SLC5A11: variants seen among roughly 807,000 people sequenced by gnomAD.
SLC5A11 encodes sodium/myo-inositol cotransporter 2.
Under a neutral mutation model 69.8 loss-of-function variants are expected in SLC5A11, and 48 were observed. The observed-to-expected ratio is 0.69, with a 90% CI of 0.55 to 0.87. SLC5A11 has a LOEUF of 0.87. Among genes scored for constraint, SLC5A11 ranks in the 40% least tolerant of loss-of-function variants. The pLI is 0.00. For missense variants in SLC5A11, 784 were observed against 866.1 expected (o/e 0.91, Z 1.19); for synonymous variants, 319 against 342.4 (o/e 0.93, Z 0.75).
At chr16:24,907,864 C>A in intron 12 of SLC5A11, 99 bp from the exon 14 acceptor site, 2 of 1,508,492 alleles carry the variant, frequency 1.3e-6, no homozygotes, top group Non-Finnish European at 1.8e-6. Flanking sequence ...CCGGCCTTGG[C>A]AACAGAACAA....
exon 14 of SLC5A11, chr16:24,908,981 G>T: frequency 6.2e-7 from 1 of 1,614,038 alleles, no homozygotes; most frequent in Non-Finnish European, 8.5e-7. Context: ...CCAGATGAGC[G>T]CCCGGTCCTG....
intron 5 of SLC5A11, among the ~76,000 whole-genome samples, chr16:24,872,782 A>C (rs1249870613): frequency 6.6e-6 from 1 of 150,392 alleles, no homozygotes; most frequent in East Asian, 2.0e-4. Flanking sequence ...TCAGCCTCCC[A>C]ATCTGAGTAG....
chr16:24,906,953 C>T (rs2050111922), intron 11 of SLC5A11, 72 bp from the exon 13 acceptor site: 3 of 1,572,160 alleles, frequency 1.9e-6, no homozygotes, highest in Non-Finnish European at 2.6e-6. Flanking sequence ...CTGCCTCCTC[C>T]AGTTGAGCCC....
At chr16:24,888,783 CTTTTTTT>C (rs1169015317) in intron 8 of SLC5A11, among the ~76,000 whole-genome samples, 11 of 45,754 alleles carry the variant, frequency 2.4e-4, no homozygotes, top group East Asian at 1.3e-3. Flanking sequence ...CGTGCCTGTC[CTTTTTTT>C]TTTTTTTTTT....
intron 8 of SLC5A11, among the ~76,000 whole-genome samples, chr16:24,886,502 A>G (rs1318238863): frequency 6.6e-6 from 1 of 151,430 alleles, no homozygotes; most frequent in Non-Finnish European, 1.5e-5. Context: ...TTATTCTTAG[A>G]AAAAAGGTCA....
chr16:24,888,921 T>C (rs28801711), intron 8 of SLC5A11, among the ~76,000 whole-genome samples: 67,123 of 149,686 alleles, frequency 0.45, 15,254 homozygotes, highest in Non-Finnish European at 0.5. Flanking sequence ...CTCAGCCTCC[T>C]GAGTAACTGG....
At chr16:24,881,313 G>T (rs140257603) in intron 7 of SLC5A11, among the ~76,000 whole-genome samples, 1 of 151,884 alleles carries the variant, frequency 6.6e-6, no homozygotes, top group Non-Finnish European at 1.5e-5. Context: ...TTGAGACAGG[G>T]TCTCCCTCTG....
chr16:24,895,000 CT>C (rs2049054378), intron 9 of SLC5A11, among the ~76,000 whole-genome samples: 1 of 152,010 alleles, frequency 6.6e-6, no homozygotes, highest in Admixed American at 6.6e-5. Context: ...TGGTGTATGC[CT>C]GTGGTCCCAG....
intron 1 of SLC5A11, among the ~76,000 whole-genome samples, chr16:24,854,446 C>T (rs977656150): frequency 2.0e-5 from 3 of 150,344 alleles, no homozygotes; most frequent in Admixed American, 6.6e-5. Context: ...TTTTTTTTTC[C>T]GGAGACAGAG....
intron 9 of SLC5A11, among the ~76,000 whole-genome samples, chr16:24,895,165 T>A (rs12928100): frequency 0.2 from 30,194 of 151,650 alleles, 3,705 homozygotes; most frequent in South Asian, 0.42. Flanking sequence ...ACCATCCGAC[T>A]ACTCTCCCTT....
chr16:24,847,127 CTTTT>C (rs946745735), intron 1 of SLC5A11, among the ~76,000 whole-genome samples: 4 of 152,016 alleles, frequency 2.6e-5, no homozygotes, highest in African/African-American at 7.2e-5. Context: ...TCCTTTCTTT[CTTTT>C]TCTCTTTCTT....
intron 3 of SLC5A11, among the ~76,000 whole-genome samples, chr16:24,867,423 T>G (rs2046984877): frequency 6.6e-6 from 1 of 151,984 alleles, no homozygotes; most frequent in South Asian, 2.1e-4. Flanking sequence ...AGAAGAAAGA[T>G]GTCAAACCAA....
At chr16:24,878,966 C>T (rs1006718695) in intron 7 of SLC5A11, among the ~76,000 whole-genome samples, 4 of 152,062 alleles carry the variant, frequency 2.6e-5, no homozygotes, top group African/African-American at 9.7e-5. Flanking sequence ...ACCTAGGAGG[C>T]GGAGGTTGCA....
rs943096321 is a variant in SLC5A11 at position 24,875,791 on chromosome 16, A to T, written c.477+60A>T. On this transcript the variant is annotated intron_variant, in intron 6 of 15. Coordinates refer to ENST00000347898, the Ensembl canonical transcript of SLC5A11. Reference sequence around the variant, plus strand: ...AGCATGGGGAGAAGATAAGGCACAGATCATTGCTCAGGAGTGTCTCCTCGC... The same window carrying T: ...AGCATGGGGAGAAGATAAGGCACAGTTCATTGCTCAGGAGTGTCTCCTCGC... 1.0e-5 allele frequency: 14 copies of T among 1,349,530 alleles called. No homozygotes were observed. In the African/African-American group the frequency reaches 1.7e-4, roughly 17 times the overall value. 83.6% of individuals were successfully genotyped at this position (1,349,530 alleles called of 1,614,324 possible).
At chr16:24,911,131 T>TG (rs1291002311) in intron 15 of SLC5A11, among the ~76,000 whole-genome samples, 197 bp from the exon 17 acceptor site, 1 of 138,504 alleles carries the variant, frequency 7.2e-6, no homozygotes, top group African/African-American at 2.9e-5. Context: ...ATCACGCCAC[T>TG]GCACTCCAGC....
rs554812151 is a variant in SLC5A11 at position 24,849,460 on chromosome 16, G to A, written c.-25+3022G>A. Among the ~76,000 whole-genome samples the A allele has an allele frequency of 1.5e-4, 22 of 150,406 alleles. No individual in the cohort carries two copies. The South Asian group carries it at 3.4e-3, about 23-fold the overall frequency. ...CACATGCCTGTAATCCCAGCTACTC[G>A]GGAGGCTGAGGCGGGAGAATCGCTT... On this transcript the variant is annotated intron_variant, in intron 1 of 15. Coordinates refer to ENST00000347898, the Ensembl canonical transcript of SLC5A11.
exon 4 of SLC5A11, chr16:24,869,985 G>A: frequency 6.2e-7 from 1 of 1,613,502 alleles, no homozygotes; most frequent in South Asian, 1.1e-5. Flanking sequence ...GGGCATTTCT[G>A]TATCAGCTTA....
chr16:24,858,779 G>A lies in SLC5A11; in HGVS notation c.135+1G>A, dbSNP rs769959359. ...CTTTGTCCTGGCTGTTGGACTATGG[G>A]TAAGCCAGGCCACTGGGGGATGGGG... On this transcript the variant is annotated splice_donor_variant, in intron 2 of 15. Coordinates refer to ENST00000347898, the Ensembl canonical transcript of SLC5A11. LOFTEE classifies it high-confidence loss of function. 2.5e-6 allele frequency: 4 copies of A among 1,609,880 alleles called. No homozygotes were observed. The highest frequency in any genetic ancestry group is 3.4e-6 in the Non-Finnish European group (4 of 1,178,210).
intron 7 of SLC5A11, among the ~76,000 whole-genome samples, chr16:24,879,336 G>A (rs1357906236): frequency 6.6e-6 from 1 of 152,018 alleles, no homozygotes; most frequent in East Asian, 1.9e-4. Flanking sequence ...GTACCCAATG[G>A]GTAGTTTTTC....
Sources: allele counts gnomAD v4.1 joint callset (sites outside exome capture counted in the v4.1 genomes callset), GRCh38; gene constraint gnomAD v4.1.1; transcripts MANE v1.5; gene names NCBI Gene and HGNC (gene_info 2026-07-23, HGNC 2026-07-21).